Variants in JMJD1C observed in about 807,000 individuals in gnomAD.
JMJD1C encodes jumonji domain containing 1C.
JMJD1C carries 31 observed loss-of-function variants against 245.3 expected under a neutral mutation model. That is an observed-to-expected ratio of 0.13 (90% confidence interval 0.09 to 0.17). The LOEUF (loss-of-function observed/expected upper bound fraction) is 0.17, where lower values mean the gene tolerates loss of function less well. Ranked by LOEUF, JMJD1C falls within the 10% of genes least tolerant of loss-of-function variation. The pLI is 1.00. For missense variants in JMJD1C, 2,691 were observed against 3,000.2 expected (o/e 0.90, Z 2.41); for synonymous variants, 1,057 against 1,017.4 (o/e 1.04, Z -0.74).
At chr10:63,519,396 A>T (rs1955132213) in intron 1 of JMJD1C, among the ~76,000 whole-genome samples, 1 of 152,218 alleles carries the variant, frequency 6.6e-6, no homozygotes, top group Non-Finnish European at 1.5e-5. Context: ...CGTGGCTGAA[A>T]TTTTTTAAAT....
At chr10:63,389,037 A>G (rs913810945) in intron 1 of JMJD1C, among the ~76,000 whole-genome samples, 2 of 152,158 alleles carry the variant, frequency 1.3e-5, no homozygotes, top group Non-Finnish European at 2.9e-5. Context: ...TTAGACCTCA[A>G]TGGAGACCAG....
chr10:63,490,645 A>C (rs1033162051), intron 1 of JMJD1C, among the ~76,000 whole-genome samples: 4 of 151,662 alleles, frequency 2.6e-5, no homozygotes, highest in Non-Finnish European at 5.9e-5. Context: ...CAATCTGTTG[A>C]CCTCGTGATC....
intron 2 of JMJD1C, among the ~76,000 whole-genome samples, chr10:63,376,247 C>T (rs969189443): frequency 3.3e-5 from 5 of 152,162 alleles, no homozygotes; most frequent in African/African-American, 4.8e-5. Context: ...TAAAAAAAAG[C>T]TGGACCCTTA....
intron 1 of JMJD1C, among the ~76,000 whole-genome samples, chr10:63,438,402 T>C (rs1053776052): frequency 3.3e-5 from 5 of 152,166 alleles, no homozygotes; most frequent in African/African-American, 1.2e-4. Context: ...CATGATCTAA[T>C]GCTACCACAG....
At chr10:63,487,218 C>T (rs974872956) in intron 1 of JMJD1C, among the ~76,000 whole-genome samples, 1 of 152,074 alleles carries the variant, frequency 6.6e-6, no homozygotes, top group South Asian at 2.1e-4. Flanking sequence ...GACTACCAGG[C>T]AAAATTAAGG....
At chr10:63,320,530 A>C (rs1428926341) in intron 2 of JMJD1C, among the ~76,000 whole-genome samples, 1 of 152,226 alleles carries the variant, frequency 6.6e-6, no homozygotes, top group Non-Finnish European at 1.5e-5. Flanking sequence ...AAGGTGGAAT[A>C]TTCCAGGCAG....
chr10:63,185,135 A>G (rs1157257327), intron 20 of JMJD1C, among the ~76,000 whole-genome samples: 1 of 152,128 alleles, frequency 6.6e-6, no homozygotes, highest in Non-Finnish European at 1.5e-5. Context: ...CAGTTTTGCT[A>G]TCAATCAATC....
chr10:63,357,947 T>TA (rs11367621), intron 2 of JMJD1C, among the ~76,000 whole-genome samples: 7 of 144,208 alleles, frequency 4.9e-5, no homozygotes, highest in African/African-American at 1.0e-4. Flanking sequence ...AAGAACTAAA[T>TA]AAAAAAAAAA....
intron 1 of JMJD1C, chr10:63,521,715 G>T (rs1248323514): frequency 4.2e-6 from 2 of 476,552 alleles, no homozygotes; most frequent in Non-Finnish European, 6.7e-6. Flanking sequence ...CCGAGGGTCT[G>T]GGGGAGCCCT....
At chr10:63,364,981 C>T (rs1333638539) in intron 2 of JMJD1C, among the ~76,000 whole-genome samples, 1 of 152,126 alleles carries the variant, frequency 6.6e-6, no homozygotes, top group African/African-American at 2.4e-5. Flanking sequence ...GGAATATTTC[C>T]AAAATTCTAT....
rs1851263816 is a variant in JMJD1C, at chr10:63,239,851, G to A, written c.448-19868C>T. Among the ~76,000 whole-genome samples the A allele has an allele frequency of 3.9e-5, 6 of 152,324 alleles. No individual in the cohort carries two copies. In the South Asian group the frequency reaches 1.2e-3, roughly 32 times the overall value. On this transcript the variant is annotated intron_variant, in intron 3 of 25. Transcript: ENST00000399262. ...CGAAATCAAGGTCTGATGGTTGAAT[G>A]TGAATACAGTAAATAGACAGCAGAA...
chr10:63,349,767 T>G (rs1357210019), intron 2 of JMJD1C, among the ~76,000 whole-genome samples: 1 of 152,144 alleles, frequency 6.6e-6, no homozygotes, highest in Non-Finnish European at 1.5e-5. Flanking sequence ...ACCTAGTATT[T>G]TCCAGAAGCG....
chr10:63,337,751 C>A (rs149750660), intron 2 of JMJD1C, among the ~76,000 whole-genome samples: 6 of 152,210 alleles, frequency 3.9e-5, no homozygotes, highest in African/African-American at 1.4e-4. Context: ...TGAGGAAGAG[C>A]AAGCTGATGA....
At chr10:63,419,602 A>G (rs1403215519) in intron 1 of JMJD1C, among the ~76,000 whole-genome samples, 3 of 152,026 alleles carry the variant, frequency 2.0e-5, no homozygotes, top group Admixed American at 6.6e-5. Context: ...AAAAAGTCCA[A>G]ATCTAGGGTT....
chr10:63,430,012 A>T (rs568289418), intron 1 of JMJD1C, among the ~76,000 whole-genome samples: 2 of 152,304 alleles, frequency 1.3e-5, no homozygotes, highest in East Asian at 1.9e-4. Flanking sequence ...TATTAAGAAT[A>T]AAAAAATCAT....
intron 2 of JMJD1C, chr10:63,268,912 A>C: frequency 1.0e-6 from 1 of 985,852 alleles, no homozygotes; most frequent in Non-Finnish European, 1.2e-6. Flanking sequence ...TAACCTAACA[A>C]GTCTCCAACG....
chr10:63,411,459 C>T (rs562773403), intron 1 of JMJD1C, among the ~76,000 whole-genome samples: 33 of 151,960 alleles, frequency 2.2e-4, no homozygotes, highest in Admixed American at 1.5e-3. Context: ...CCACCATGTC[C>T]GGCTAATTTT....
intron 2 of JMJD1C, among the ~76,000 whole-genome samples, chr10:63,360,252 T>C (rs1320599977): frequency 1.3e-5 from 2 of 152,054 alleles, no homozygotes; most frequent in Non-Finnish European, 2.9e-5. Flanking sequence ...TCACAGCTAC[T>C]TGGGAGGCTG....
intron 2 of JMJD1C, among the ~76,000 whole-genome samples, chr10:63,344,554 C>A (rs1490368350): frequency 6.6e-6 from 1 of 152,114 alleles, no homozygotes; most frequent in Non-Finnish European, 1.5e-5. Context: ...TTAGGTATGA[C>A]ACCAAAATCT....
Sources: gnomAD v4.1 joint callset for allele counts (sites outside exome capture counted in the v4.1 genomes callset) on GRCh38, gnomAD v4.1.1 for gene constraint, MANE v1.5 for transcripts, NCBI Gene and HGNC (gene_info 2026-07-23, HGNC 2026-07-21) for gene names.